Variants in NRG3 observed in about 807,000 individuals in gnomAD.
NRG3 encodes pro-neuregulin-3, membrane-bound isoform.
NRG3 carries 31 observed loss-of-function variants against 66.9 expected under a neutral mutation model. The ratio of observed to expected loss-of-function variants is 0.46; its 90% CI spans 0.35 to 0.63. The LOEUF is 0.63. Among genes scored for constraint, NRG3 ranks in the 20% least tolerant of loss-of-function variants. The probability of loss-of-function intolerance (pLI) is 0.00; values close to 1 mark genes in which losing one functional copy is unlikely to be tolerated. For missense variants in NRG3, 910 were observed against 878.9 expected (o/e 1.04, Z -0.45); for synonymous variants, 393 against 359.4 (o/e 1.09, Z -1.06).
At chr10:81,974,124 ATGGC>A (rs1485269671) in intron 1 of NRG3, among the ~76,000 whole-genome samples, 4 of 152,140 alleles carry the variant, frequency 2.6e-5, no homozygotes, top group Non-Finnish European at 5.9e-5. Flanking sequence ...TCTTGTGCAT[ATGGC>A]TAGCCAGTTA....
intron 2 of NRG3, among the ~76,000 whole-genome samples, chr10:82,714,087 G>A (rs1437669732): frequency 2.0e-5 from 3 of 152,116 alleles, no homozygotes; most frequent in Admixed American, 6.5e-5. Flanking sequence ...ATCCAGTCCA[G>A]TTAATTTCAT....
intron 1 of NRG3, among the ~76,000 whole-genome samples, chr10:81,932,729 G>A (rs550159623): frequency 6.6e-6 from 1 of 152,090 alleles, no homozygotes; most frequent in African/African-American, 2.4e-5. Context: ...CCAGTTTTCA[G>A]TGTTGTTTTT....
intron 1 of NRG3, among the ~76,000 whole-genome samples, chr10:82,170,150 C>G (rs1387655254): frequency 6.6e-6 from 1 of 152,012 alleles, no homozygotes; most frequent in African/African-American, 2.4e-5. Context: ...CAACACATTA[C>G]CAGAGATAAC....
chr10:82,790,352 G>A (rs2135365116), intron 3 of NRG3, among the ~76,000 whole-genome samples: 1 of 152,016 alleles, frequency 6.6e-6, no homozygotes, highest in South Asian at 2.1e-4. Flanking sequence ...AGTTTTGAAG[G>A]ACAGTTTCGC....
chr10:82,570,663 T>TA (rs2045673251), intron 2 of NRG3, among the ~76,000 whole-genome samples: 1 of 151,604 alleles, frequency 6.6e-6, no homozygotes, highest in African/African-American at 2.4e-5. Flanking sequence ...TATTGGTAAA[T>TA]ATGCTTAAAA....
At chr10:82,596,100 C>A (rs1423971056) in intron 2 of NRG3, among the ~76,000 whole-genome samples, 2 of 152,148 alleles carry the variant, frequency 1.3e-5, no homozygotes, top group Admixed American at 1.3e-4. Flanking sequence ...CATGTGGCAT[C>A]CCATTTCCTA....
At chr10:82,016,016 C>T (rs758099309) in intron 1 of NRG3, among the ~76,000 whole-genome samples, 1 of 149,866 alleles carries the variant, frequency 6.7e-6, no homozygotes. Flanking sequence ...AACTAGATAC[C>T]TTTAATAAAA....
At chr10:82,454,806 A>G (rs777222077) in intron 2 of NRG3, among the ~76,000 whole-genome samples, 33 of 152,360 alleles carry the variant, frequency 2.2e-4, no homozygotes, top group African/African-American at 7.7e-4. Context: ...GGCAAATTGT[A>G]TATTTGGGAA....
Position 81,993,184 on chromosome 10 carries a change from C to T in NRG3, c.823+117021C>T, listed in dbSNP as rs138180655. On this transcript the variant is annotated intron_variant, in intron 1 of 8. Coordinates refer to ENST00000372141, the MANE Select transcript of NRG3 (RefSeq NM_001010848.4). ...GCATTTAACAATAGAAAGTTTAAAACGAGCCATCCTTCAATGTGTTTAGCA... is the reference window on the plus strand; with the variant it reads ...GCATTTAACAATAGAAAGTTTAAAATGAGCCATCCTTCAATGTGTTTAGCA... Among the ~76,000 whole-genome samples the T allele has an allele frequency of 5.6e-4, 85 of 152,144 alleles. 1 individual carries two copies. In the East Asian group the frequency reaches 0.012, roughly 22 times the overall value.
intron 1 of NRG3, among the ~76,000 whole-genome samples, chr10:82,077,225 A>G (rs935871829): frequency 6.6e-6 from 1 of 152,218 alleles, no homozygotes; most frequent in African/African-American, 2.4e-5. Context: ...AATAGTGCTC[A>G]TTGCACATTA....
chr10:82,796,498 C>T (rs1317147840), intron 3 of NRG3, among the ~76,000 whole-genome samples: 6 of 151,926 alleles, frequency 3.9e-5, no homozygotes, highest in East Asian at 3.9e-4. Context: ...GACAAAGCCC[C>T]GCACCAATGT....
chr10:82,741,730 C>G lies in NRG3; in HGVS notation c.1027+3080C>G, dbSNP rs140586189. ...TTAATGCTAGAGTTTAACTTCCATT[C>G]CAAATGACTCCAGGACCTGAGCTCC... On this transcript the variant is annotated intron_variant, in intron 3 of 8. Transcript: ENST00000372141. Among the ~76,000 whole-genome samples, 233 of 152,200 alleles carry G rather than the reference C, an allele frequency of 1.5e-3. 1 individual carries two copies. Among genetic ancestry groups the G allele is most frequent in the Middle Eastern group, 6.8e-3 (2 of 292 alleles).
intron 3 of NRG3, among the ~76,000 whole-genome samples, chr10:82,747,989 T>A (rs1386363579): frequency 6.6e-6 from 1 of 151,452 alleles, no homozygotes; most frequent in African/African-American, 2.4e-5. Context: ...AAAACACATT[T>A]AATTTTTCCA....
chr10:82,223,936 G>A (rs921954624), intron 1 of NRG3, among the ~76,000 whole-genome samples: 21 of 152,160 alleles, frequency 1.4e-4, no homozygotes, highest in African/African-American at 4.8e-4. Flanking sequence ...TACAAAGTGA[G>A]TCTGTTTCCT....
chr10:82,131,411 A>G (rs1455173795), intron 1 of NRG3, among the ~76,000 whole-genome samples: 4 of 151,908 alleles, frequency 2.6e-5, no homozygotes, highest in Non-Finnish European at 4.4e-5. Context: ...GTCTGTTTTT[A>G]TGTATCCATG....
At chr10:82,233,495 C>G (rs2076600473) in intron 1 of NRG3, among the ~76,000 whole-genome samples, 1 of 152,180 alleles carries the variant, frequency 6.6e-6, no homozygotes, top group Non-Finnish European at 1.5e-5. Context: ...ATACATTTAT[C>G]TACAATACAG....
chr10:82,109,680 T>TTTCTGAC (rs1364768605), intron 1 of NRG3, among the ~76,000 whole-genome samples: 1 of 152,194 alleles, frequency 6.6e-6, no homozygotes, highest in East Asian at 1.9e-4. Context: ...CTGTCCATTG[T>TTTCTGAC]TTCTGACTTT....
At chr10:82,117,439 T>TTTTAA (rs1196657105) in intron 1 of NRG3, among the ~76,000 whole-genome samples, 2 of 152,190 alleles carry the variant, frequency 1.3e-5, no homozygotes, top group Non-Finnish European at 2.9e-5. Flanking sequence ...GATGAGCTTC[T>TTTTAA]TTTAATTTAA....
At chr10:82,402,407 T>A (rs1157696008) in intron 2 of NRG3, among the ~76,000 whole-genome samples, 1 of 152,102 alleles carries the variant, frequency 6.6e-6, no homozygotes, top group Non-Finnish European at 1.5e-5. Context: ...AAAAACAAGC[T>A]TTTCTCCTTT....
Sources: gnomAD v4.1 joint callset for allele counts (sites outside exome capture counted in the v4.1 genomes callset) on GRCh38, gnomAD v4.1.1 for gene constraint, MANE v1.5 for transcripts, NCBI Gene and HGNC (gene_info 2026-07-23, HGNC 2026-07-21) for gene names.